Variants in STK3 observed in about 807,000 individuals in gnomAD.
The protein encoded by STK3 is serine/threonine-protein kinase 3.
In STK3, 41 loss-of-function variants were observed where a neutral mutation model predicts 58.0. The ratio of observed to expected loss-of-function variants is 0.71; its 90% CI spans 0.55 to 0.92. The LOEUF is 0.92. Among genes scored for constraint, STK3 ranks in the 40% least tolerant of loss-of-function variants. The probability of loss-of-function intolerance (pLI) is 0.00; values close to 1 mark genes in which losing one functional copy is unlikely to be tolerated. For synonymous variants in STK3, 170 were observed against 191.0 expected, an observed-to-expected ratio of 0.89 and a Z score of 0.91; for missense variants, 479 against 602.7, an observed-to-expected ratio of 0.79 and a Z score of 2.15.
chr8:98,459,410 G>T (rs1054353306), intron 10 of STK3, among the ~76,000 whole-genome samples: 3 of 152,220 alleles, frequency 2.0e-5, no homozygotes, highest in Non-Finnish European at 4.4e-5. Flanking sequence ...TGGAACTTAT[G>T]TTTAAAAGGG....
chr8:98,802,983 ACTGTACCTG>A (rs1833656870), intron 1 of STK3, among the ~76,000 whole-genome samples: 1 of 152,174 alleles, frequency 6.6e-6, no homozygotes, highest in African/African-American at 2.4e-5. Flanking sequence ...AGCACAAAAA[ACTGTACCTG>A]GAACATAATA....
At chr8:98,767,035 C>T (rs1407527552) in intron 3 of STK3, among the ~76,000 whole-genome samples, 5 of 152,098 alleles carry the variant, frequency 3.3e-5, no homozygotes, top group Non-Finnish European at 4.4e-5. Flanking sequence ...GCAGGAGAAT[C>T]GCTTGAACCC....
intron 9 of STK3, among the ~76,000 whole-genome samples, chr8:98,529,411 G>A (rs1825987814): frequency 6.6e-6 from 1 of 152,082 alleles, no homozygotes; most frequent in South Asian, 2.1e-4. Flanking sequence ...CTTAGGTGAG[G>A]TTATAAGAGA....
intron 10 of STK3, among the ~76,000 whole-genome samples, chr8:98,467,416 G>T (rs1820557888): frequency 1.3e-5 from 2 of 152,260 alleles, no homozygotes; most frequent in South Asian, 4.1e-4. Flanking sequence ...GGCTTCAGTT[G>T]TTGGTGGCAT....
intron 6 of STK3, among the ~76,000 whole-genome samples, chr8:98,622,514 G>C (rs1182528501): frequency 6.6e-6 from 1 of 152,140 alleles, no homozygotes; most frequent in East Asian, 1.9e-4. Context: ...GGTATAGTAA[G>C]TGCAAATAAG....
At chr8:98,654,778 G>C (rs1821332630) in intron 6 of STK3, among the ~76,000 whole-genome samples, 1 of 152,030 alleles carries the variant, frequency 6.6e-6, no homozygotes, top group Non-Finnish European at 1.5e-5. Flanking sequence ...AAATTAAAAG[G>C]GACGTGAAGG....
intron 6 of STK3, among the ~76,000 whole-genome samples, chr8:98,617,336 A>G (rs1480138890): frequency 1.9e-4 from 27 of 141,866 alleles, no homozygotes; most frequent in Non-Finnish European, 3.4e-4. Context: ...AATTTATAGC[A>G]CTAAATGCCC....
rs1270422495 is a variant in STK3 at position 98,574,136 on chromosome 8, A to C, written c.948+5528T>G. Among the ~76,000 whole-genome samples, 10 of 152,290 alleles carry C rather than the reference A, an allele frequency of 6.6e-5. No homozygotes were observed. In the East Asian group the frequency reaches 1.9e-3, roughly 29 times the overall value. ...AACCATATCAACTGTTGGCTATAGGAACCAGAAAAGTAACAGGAAAAGTAA... is the reference window on the plus strand; with the variant it reads ...AACCATATCAACTGTTGGCTATAGGCACCAGAAAAGTAACAGGAAAAGTAA... On this transcript the variant is annotated intron_variant, in intron 8 of 10. Coordinates refer to ENST00000419617, the MANE Select transcript of STK3 (RefSeq NM_006281.4).
chr8:98,757,302 T>A (rs1436802989), intron 3 of STK3, among the ~76,000 whole-genome samples: 1 of 149,978 alleles, frequency 6.7e-6, no homozygotes, highest in East Asian at 2.0e-4. Flanking sequence ...TGCCTCAGCC[T>A]CCTGAGTAGC....
chr8:98,548,461 T>A (rs1810898528), intron 8 of STK3, among the ~76,000 whole-genome samples: 1 of 152,068 alleles, frequency 6.6e-6, no homozygotes, highest in Non-Finnish European at 1.5e-5. Context: ...ACAAAGAATA[T>A]GGTGACAAAA....
chr8:98,857,345 C>T (rs1243112551), intron 3 of STK3, among the ~76,000 whole-genome samples: 1 of 152,148 alleles, frequency 6.6e-6, no homozygotes, highest in Admixed American at 6.5e-5. Context: ...AGTTTAGCTT[C>T]ATGGATCTGT....
intron 6 of STK3, among the ~76,000 whole-genome samples, chr8:98,626,562 C>A (rs1818733659): frequency 6.6e-6 from 1 of 152,128 alleles, no homozygotes; most frequent in Admixed American, 6.5e-5. Flanking sequence ...AAAGGCCCTG[C>A]TTTAGGAGGT....
At chr8:98,346,606 C>T in the STK3 span, among the ~76,000 whole-genome samples, 1,751 of 151,856 alleles carry the variant, frequency 0.012, 79 homozygotes, top group African/African-American at 0.04. Flanking sequence ...TAAAAGACCA[C>T]AACATTCAAA....
chr8:98,710,499 G>A (rs111707396), intron 4 of STK3, among the ~76,000 whole-genome samples: 13 of 152,204 alleles, frequency 8.5e-5, no homozygotes, highest in South Asian at 8.3e-4. Flanking sequence ...ATTATATCCC[G>A]CGCCTGGCTT....
At chr8:98,776,286 G>A (rs1280842519) in intron 1 of STK3, among the ~76,000 whole-genome samples, 1 of 151,944 alleles carries the variant, frequency 6.6e-6, no homozygotes, top group African/African-American at 2.4e-5. Context: ...GGGTCACTAG[G>A]GACATCTTTT....
chr8:98,515,699 G>A (rs2131426493), intron 10 of STK3, among the ~76,000 whole-genome samples: 1 of 151,606 alleles, frequency 6.6e-6, no homozygotes, highest in East Asian at 1.9e-4. Flanking sequence ...TACAAGCTAT[G>A]AGATTTTGAC....
chr8:98,459,825 C>T (rs775481409), intron 10 of STK3, among the ~76,000 whole-genome samples: 42 of 152,190 alleles, frequency 2.8e-4, no homozygotes, highest in Non-Finnish European at 5.7e-4. Flanking sequence ...AGAATTGAGG[C>T]TTGGGAACCT....
chr8:98,697,502 T>C (rs1334716776), intron 6 of STK3, among the ~76,000 whole-genome samples: 1 of 152,240 alleles, frequency 6.6e-6, no homozygotes, highest in Non-Finnish European at 1.5e-5. Flanking sequence ...TTTAATGCTA[T>C]AAATTTCACT....
intron 3 of STK3, chr8:98,429,806 A>G: frequency 5.4e-6 from 1 of 184,012 alleles, no homozygotes; most frequent in Non-Finnish European, 1.3e-5. Context: ...TCTGTACAAA[A>G]AGCCCCCACA....
Sources: gnomAD v4.1 joint callset for allele counts (sites outside exome capture counted in the v4.1 genomes callset) on GRCh38, gnomAD v4.1.1 for gene constraint, MANE v1.5 for transcripts, NCBI Gene and HGNC (gene_info 2026-07-23, HGNC 2026-07-21) for gene names.